ARL13B: variants seen among roughly 807,000 people sequenced by gnomAD.
The protein encoded by ARL13B is ADP-ribosylation factor-like protein 13B.
In ARL13B, 36 loss-of-function variants were observed where a neutral mutation model predicts 56.1. The ratio of observed to expected loss-of-function variants is 0.64; its 90% CI spans 0.49 to 0.85. ARL13B has a LOEUF of 0.85. Ranked by LOEUF, ARL13B falls within the 40% of genes least tolerant of loss-of-function variation. ARL13B has a pLI of 0.00. For missense variants in ARL13B, 519 were observed against 507.1 expected (o/e 1.02, Z -0.23); for synonymous variants, 178 against 171.1 (o/e 1.04, Z -0.32).
intron 2 of ARL13B, among the ~76,000 whole-genome samples, chr3:94,001,040 A>G (rs370764081): frequency 1.1e-3 from 172 of 152,304 alleles, no homozygotes; most frequent in Admixed American, 3.8e-3. Context: ...GCTGAATGCT[A>G]AGGATACAAA....
Position 94,054,821 on chromosome 3 carries a change from C to A in ARL13B, c.*1558C>A. 2.7e-6 allele frequency: 1 copy of A among 372,354 alleles called. No individual in the cohort carries two copies. The highest frequency in any genetic ancestry group is 2.1e-5 in the South Asian group (1 of 47,504). The allele number at this position is 372,354 out of a possible 1,614,324, so 23.1% of individuals were successfully genotyped here. ...ATTTCAGATCTAAAATTCGTAACAA[C>A]CTAAATTTGAGAGGTGGCTGAAATG... is the stretch of plus-strand genomic sequence containing the variant. On this transcript the variant is annotated 3_prime_UTR_variant, in exon 10 of 10. Coordinates refer to ENST00000394222, the MANE Select transcript of ARL13B (RefSeq NM_001174150.2).
intron 6 of ARL13B, among the ~76,000 whole-genome samples, chr3:94,041,597 G>A (rs891775062): frequency 6.6e-6 from 1 of 151,998 alleles, no homozygotes; most frequent in East Asian, 1.9e-4. Flanking sequence ...AAGTTAAAAA[G>A]CAAAAATGAA....
At chr3:93,985,814 A>T (rs564703914) in intron 1 of ARL13B, among the ~76,000 whole-genome samples, 1 of 152,312 alleles carries the variant, frequency 6.6e-6, no homozygotes, top group Admixed American at 6.5e-5. Flanking sequence ...TTTCAGCATC[A>T]CAAATACAAC....
intron 3 of ARL13B, among the ~76,000 whole-genome samples, chr3:94,027,105 G>A (rs1576008750): frequency 6.6e-6 from 1 of 151,866 alleles, no homozygotes; most frequent in East Asian, 1.9e-4. Flanking sequence ...CATAGTTACT[G>A]TAATGATTAA....
Position 93,980,174 on chromosome 3 carries a change from C to A in ARL13B, c.-250C>A. The A allele has an allele frequency of 1.5e-6, 1 of 656,500 alleles. No homozygotes were observed. The highest frequency in any genetic ancestry group is 2.8e-6 in the Non-Finnish European group (1 of 359,952). 40.7% of individuals were successfully genotyped at this position (656,500 alleles called of 1,614,324 possible). ...CGCGGGGCTTTTCTTTAGCCGGGTC[C>A]CGCTAACTCGGCTACGGTGTATCTG... is the stretch of plus-strand genomic sequence containing the variant. On this transcript the variant is annotated 5_prime_UTR_variant, in exon 1 of 10. Coordinates refer to ENST00000394222, the MANE Select transcript of ARL13B (RefSeq NM_001174150.2).
At chr3:94,042,064 A>G (rs1280763303) in intron 6 of ARL13B, among the ~76,000 whole-genome samples, 5 of 152,230 alleles carry the variant, frequency 3.3e-5, no homozygotes, top group African/African-American at 4.8e-5. Context: ...CTCAAAAAAA[A>G]TAAAATAAAA....
At chr3:94,050,202 C>G (rs888456713) in intron 8 of ARL13B, among the ~76,000 whole-genome samples, 6 of 151,032 alleles carry the variant, frequency 4.0e-5, no homozygotes, top group African/African-American at 9.7e-5. Context: ...ACCTTTCATC[C>G]TGAAAGTTAA....
At position 94,054,772 on chromosome 3, in the gene ARL13B, C is replaced by T; in HGVS notation, c.*1509C>T. 2.4e-6 allele frequency: 1 copy of T among 415,882 alleles called. No individual in the cohort carries two copies. The highest frequency in any genetic ancestry group is 4.8e-6 in the Non-Finnish European group (1 of 207,662). 25.8% of individuals were successfully genotyped at this position (415,882 alleles called of 1,614,324 possible). On this transcript the variant is annotated 3_prime_UTR_variant, in exon 10 of 10. Coordinates refer to ENST00000394222, the MANE Select transcript of ARL13B (RefSeq NM_001174150.2). ...GTTTGTACATGGGACTTAGCAACCA[C>T]ACTGAGTGAGGTAAAAGCATTTGAT...
At chr3:94,031,991 T>A (rs2076685135) in intron 3 of ARL13B, among the ~76,000 whole-genome samples, 1 of 152,162 alleles carries the variant, frequency 6.6e-6, no homozygotes, top group South Asian at 2.1e-4. Flanking sequence ...ATGAAACTCT[T>A]CTGGACATTG....
chr3:93,992,093 A>G (rs756781656), intron 1 of ARL13B, among the ~76,000 whole-genome samples: 9 of 152,176 alleles, frequency 5.9e-5, no homozygotes, highest in Admixed American at 1.3e-4. Flanking sequence ...CCTATAAATA[A>G]AGACAGACTC....
intron 5 of ARL13B, among the ~76,000 whole-genome samples, chr3:94,037,543 G>C (rs2076790435): frequency 6.6e-6 from 1 of 151,964 alleles, no homozygotes; most frequent in Non-Finnish European, 1.5e-5. Flanking sequence ...TTTCATCTAG[G>C]GATCTCTTTA....
At chr3:93,993,116 A>G (rs1394334721) in intron 1 of ARL13B, among the ~76,000 whole-genome samples, 1 of 147,062 alleles carries the variant, frequency 6.8e-6, no homozygotes, top group Non-Finnish European at 1.5e-5. Flanking sequence ...GGCTTGTTTT[A>G]TTTTATTTAT....
At chr3:94,045,900 G>T (rs867803997) in intron 7 of ARL13B, among the ~76,000 whole-genome samples, 1 of 141,340 alleles carries the variant, frequency 7.1e-6, no homozygotes, top group Non-Finnish European at 1.5e-5. Context: ...GCAGTGAGCC[G>T]AGATGGTGCC....
chr3:94,046,865 T>G (rs1245406960), intron 7 of ARL13B, among the ~76,000 whole-genome samples: 1 of 152,180 alleles, frequency 6.6e-6, no homozygotes, highest in Non-Finnish European at 1.5e-5. Flanking sequence ...ATAATTGCTT[T>G]TCTTTTTCTA....
At chr3:94,028,876 T>A (rs1459898181) in intron 3 of ARL13B, among the ~76,000 whole-genome samples, 1 of 152,144 alleles carries the variant, frequency 6.6e-6, no homozygotes, top group African/African-American at 2.4e-5. Context: ...AAAAGAAGCT[T>A]GGTGTAAAAG....
intron 1 of ARL13B, among the ~76,000 whole-genome samples, chr3:93,993,902 C>G (rs2107372927): frequency 6.6e-6 from 1 of 152,272 alleles, no homozygotes; most frequent in East Asian, 1.9e-4. Context: ...TGTGGCATTC[C>G]CACTGGCTTC....
At chr3:94,037,945 C>T (rs1479675288) in intron 5 of ARL13B, among the ~76,000 whole-genome samples, 1 of 152,046 alleles carries the variant, frequency 6.6e-6, no homozygotes, top group African/African-American at 2.4e-5. Context: ...TGGTCTGAGA[C>T]CTCTCCTCTT....
intron 3 of ARL13B, among the ~76,000 whole-genome samples, chr3:94,025,687 A>G (rs938449690): frequency 5.3e-5 from 8 of 152,106 alleles, no homozygotes; most frequent in South Asian, 2.1e-4. Context: ...GTCACTACCA[A>G]CGCCCCATGG....
At chr3:93,992,471 T>G (rs2075893393) in intron 1 of ARL13B, among the ~76,000 whole-genome samples, 1 of 152,194 alleles carries the variant, frequency 6.6e-6, no homozygotes, top group Non-Finnish European at 1.5e-5. Flanking sequence ...AGTTATCTCA[T>G]GTTACTGTAA....
Sources: gnomAD v4.1 joint callset for allele counts (sites outside exome capture counted in the v4.1 genomes callset) on GRCh38, gnomAD v4.1.1 for gene constraint, MANE v1.5 for transcripts, NCBI Gene and HGNC (gene_info 2026-07-23, HGNC 2026-07-21) for gene names.